PRKN: variants seen among roughly 807,000 people sequenced by gnomAD.
PRKN encodes parkin RBR E3 ubiquitin protein ligase.
A neutral mutation model predicts 59.5 loss-of-function variants in PRKN; 56 were observed. That is an observed-to-expected ratio of 0.94 (90% CI 0.76 to 1.18). The LOEUF is 1.18. Among genes scored for constraint, PRKN ranks in the 50% most tolerant of loss-of-function variants. The pLI is 0.00. For synonymous variants in PRKN, 250 were observed against 222.1 expected (o/e 1.13, Z -1.12); for missense variants, 657 against 596.4 (o/e 1.10, Z -1.06).
chr6:162,391,346 T>C (rs772924370), intron 2 of PRKN, among the ~76,000 whole-genome samples: 3 of 151,650 alleles, frequency 2.0e-5, no homozygotes, highest in Non-Finnish European at 4.4e-5. Context: ...AAATCTGCAA[T>C]GACTTCCTCC....
At chr6:162,051,432 G>A (rs111826253) in intron 5 of PRKN, among the ~76,000 whole-genome samples, 134 of 152,272 alleles carry the variant, frequency 8.8e-4, no homozygotes, top group African/African-American at 3.1e-3. Flanking sequence ...GGGACTTTCC[G>A]CCGCAGGTAC....
At chr6:162,665,537 CACAA>C (rs1452092985) in intron 1 of PRKN, among the ~76,000 whole-genome samples, 4 of 151,988 alleles carry the variant, frequency 2.6e-5, no homozygotes, top group East Asian at 1.9e-4. Flanking sequence ...TAAGATAGGA[CACAA>C]ACAAATGGAA....
chr6:162,350,544 G>A (rs967549270), intron 2 of PRKN, among the ~76,000 whole-genome samples: 2 of 152,186 alleles, frequency 1.3e-5, no homozygotes, highest in African/African-American at 2.4e-5. Context: ...AACTGATCTT[G>A]ATAAAGGAGC....
intron 5 of PRKN, among the ~76,000 whole-genome samples, chr6:161,977,373 T>G (rs187747121): frequency 6.6e-6 from 1 of 152,224 alleles, no homozygotes; most frequent in East Asian, 1.9e-4. Flanking sequence ...TGGTTTTGCA[T>G]CACAAATGAG....
At chr6:161,897,946 GAC>G (rs1777711179) in intron 6 of PRKN, among the ~76,000 whole-genome samples, 2 of 51,060 alleles carry the variant, frequency 3.9e-5, no homozygotes, top group Non-Finnish European at 8.2e-5. Context: ...CAGCCTGGGT[GAC>G]AGAGCGAGAC....
intron 6 of PRKN, among the ~76,000 whole-genome samples, chr6:161,905,682 C>T (rs982721870): frequency 9.9e-5 from 15 of 151,656 alleles, no homozygotes; most frequent in Non-Finnish European, 1.9e-4. Context: ...CATTTTCGGC[C>T]GGGTGTGGTG....
chr6:162,498,375 A>ATT (rs149626517), intron 1 of PRKN, among the ~76,000 whole-genome samples: 1,164 of 22,634 alleles, frequency 0.051, 51 homozygotes, highest in Middle Eastern at 0.094. Context: ...CAGCAGAATC[A>ATT]TTTTTTTTCT....
At chr6:161,702,971 C>T (rs929224757) in intron 7 of PRKN, among the ~76,000 whole-genome samples, 2 of 148,982 alleles carry the variant, frequency 1.3e-5, no homozygotes, top group African/African-American at 4.9e-5. Context: ...ATGTACAAAT[C>T]ATGTACCTAC....
At chr6:162,004,406 C>T (rs1334941812) in intron 5 of PRKN, among the ~76,000 whole-genome samples, 1 of 152,140 alleles carries the variant, frequency 6.6e-6, no homozygotes, top group African/African-American at 2.4e-5. Flanking sequence ...CCAATTAAAC[C>T]TCTTTTCTTA....
chr6:162,182,630 A>AGC (rs1783846556), intron 4 of PRKN, among the ~76,000 whole-genome samples: 1 of 152,228 alleles, frequency 6.6e-6, no homozygotes, highest in African/African-American at 2.4e-5. Context: ...CCATGGGCTC[A>AGC]TCCCAGGATC....
rs1254479737 is a variant in PRKN at position 161,997,908 on chromosome 6, T to C, written c.619-24491A>G. ...GCAAAAATGGCCAAAAGCCCTCTCG[T>C]AGTTGGCTGGACCTGTGTCCTAAAA... On this transcript the variant is annotated intron_variant, in intron 5 of 11. Coordinates refer to ENST00000366898, the MANE Select transcript of PRKN (RefSeq NM_004562.3). Among the ~76,000 whole-genome samples the C allele has an allele frequency of 2.6e-5, 4 of 152,102 alleles. 1 individual carries two copies. The highest frequency in any genetic ancestry group is 2.6e-4 in the Admixed American group (4 of 15,256).
chr6:161,977,397 G>C (rs1264921052), intron 5 of PRKN, among the ~76,000 whole-genome samples: 1 of 152,074 alleles, frequency 6.6e-6, no homozygotes, highest in African/African-American at 2.4e-5. Context: ...TCTGAACTTA[G>C]GAAACTCAAA....
chr6:161,573,787 T>A (rs1162808226), intron 7 of PRKN, among the ~76,000 whole-genome samples: 1 of 97,022 alleles, frequency 1.0e-5, no homozygotes, highest in African/African-American at 4.0e-5. Context: ...TATATATATA[T>A]ATATATATAA....
chr6:162,671,899 T>C (rs1379717995), intron 1 of PRKN, among the ~76,000 whole-genome samples: 1 of 151,936 alleles, frequency 6.6e-6, no homozygotes, highest in Admixed American at 6.6e-5. Context: ...GTAGGTTGGA[T>C]GAGGGACAGG....
Position 161,551,647 on chromosome 6 carries a change from G to A in PRKN, c.934-2644C>T, listed in dbSNP as rs1780023185. Among the ~76,000 whole-genome samples the A allele has an allele frequency of 6.6e-6, 1 of 152,130 alleles. No individual in the cohort carries two copies. Among genetic ancestry groups the A allele is most frequent in the Non-Finnish European group, 1.5e-5 (1 of 68,034 alleles). The stretch of plus-strand genomic sequence containing the variant: ...TCATGGAGCCAAAAGCCTTTGGAGT[G>A]GAGTCCAGAAAGACTCGGAGGAGAG... On this transcript the variant is annotated intron_variant, in intron 8 of 11. Transcript: ENST00000366898. The surrounding 1 kb of genome is among the most constrained non-coding windows in gnomAD (Gnocchi z 5.2).
chr6:162,724,184 C>A (rs1779038615), intron 1 of PRKN, among the ~76,000 whole-genome samples: 1 of 152,168 alleles, frequency 6.6e-6, no homozygotes, highest in Non-Finnish European at 1.5e-5. Flanking sequence ...AATAGAGGTA[C>A]CAAAAATTAC....
intron 1 of PRKN, among the ~76,000 whole-genome samples, chr6:162,528,261 G>T (rs1257775661): frequency 6.6e-6 from 1 of 151,348 alleles, no homozygotes; most frequent in East Asian, 1.9e-4. Flanking sequence ...GGTGGAGGTT[G>T]CAGTGAGCCG....
chr6:162,359,730 C>T (rs984872281), intron 2 of PRKN, among the ~76,000 whole-genome samples: 17 of 152,042 alleles, frequency 1.1e-4, no homozygotes, highest in African/African-American at 4.1e-4. Context: ...TGGTCAAATA[C>T]GTTCAAGAAT....
chr6:162,580,868 C>A (rs1780763978), intron 1 of PRKN, among the ~76,000 whole-genome samples: 1 of 152,196 alleles, frequency 6.6e-6, no homozygotes, highest in Non-Finnish European at 1.5e-5. Context: ...AACGCCTTTG[C>A]CACTTCTTCA....
Sources: allele counts gnomAD v4.1 joint callset (sites outside exome capture counted in the v4.1 genomes callset), GRCh38; gene constraint gnomAD v4.1.1; non-coding constraint Gnocchi (gnomAD v3.1); transcripts MANE v1.5; gene names NCBI Gene and HGNC (gene_info 2026-07-23, HGNC 2026-07-21).